SKAP1: variants seen among roughly 807,000 people sequenced by gnomAD.
The protein encoded by SKAP1 is src kinase associated phosphoprotein 1, also known as src kinase-associated phosphoprotein 1.
Under a neutral mutation model 58.5 loss-of-function variants are expected in SKAP1, and 44 were observed. The observed-to-expected ratio is 0.75, with a 90% confidence interval of 0.59 to 0.97. SKAP1 has a LOEUF of 0.97. SKAP1 is among the 50% of genes least tolerant of loss of function. The probability of loss-of-function intolerance (pLI) is 0.00; values close to 1 mark genes in which losing one functional copy is unlikely to be tolerated. For synonymous variants in SKAP1, 127 were observed against 149.7 expected, an observed-to-expected ratio of 0.85 and a Z score of 1.11; for missense variants, 390 against 435.2, an observed-to-expected ratio of 0.90 and a Z score of 0.92.
At chr17:48,193,890 G>A (rs1337395584) in intron 4 of SKAP1, 1 of 238,952 alleles carries the variant, frequency 4.2e-6, no homozygotes, top group Non-Finnish European at 6.8e-6. Flanking sequence ...TGTATAAGTT[G>A]CTATTTTAAG....
intron 2 of SKAP1, among the ~76,000 whole-genome samples, chr17:48,370,864 C>T (rs1249293260): frequency 6.6e-6 from 1 of 152,146 alleles, no homozygotes; most frequent in Non-Finnish European, 1.5e-5. Flanking sequence ...ATAGCAAAGA[C>T]ATGGAATCAA....
At chr17:48,211,252 G>C (rs144343969) in intron 4 of SKAP1, among the ~76,000 whole-genome samples, 6 of 152,136 alleles carry the variant, frequency 3.9e-5, no homozygotes, top group Non-Finnish European at 5.9e-5. Context: ...GACCAGGCTG[G>C]GCAGCACAGT....
chr17:48,377,645 A>T (rs974245217), intron 2 of SKAP1, among the ~76,000 whole-genome samples: 2 of 152,086 alleles, frequency 1.3e-5, no homozygotes, highest in Non-Finnish European at 2.9e-5. Context: ...ATTTTTCTCC[A>T]GAACTGAATA....
At chr17:48,358,662 C>T (rs2066904067) in intron 3 of SKAP1, among the ~76,000 whole-genome samples, 1 of 152,124 alleles carries the variant, frequency 6.6e-6, no homozygotes, top group Non-Finnish European at 1.5e-5. Flanking sequence ...TGAAAAGATA[C>T]ATGAAAATTT....
chr17:48,436,462 C>T, the SKAP1 span, among the ~76,000 whole-genome samples: 1 of 152,194 alleles, frequency 6.6e-6, no homozygotes, highest in African/African-American at 2.4e-5. Context: ...ATCTTTCATA[C>T]ACAAAATGGC....
At chr17:48,439,960 C>T in the SKAP1 span, among the ~76,000 whole-genome samples, 2 of 152,228 alleles carry the variant, frequency 1.3e-5, no homozygotes, top group African/African-American at 4.8e-5. Flanking sequence ...AAAGACCTTC[C>T]TGTTAGAGAC....
At position 48,313,166 on chromosome 17, in the gene SKAP1, G is replaced by A. The variant is rs549826303; in HGVS notation, c.280+32739C>T. Among the ~76,000 whole-genome samples, 11 of 151,842 alleles carry A rather than the reference G, an allele frequency of 7.2e-5. No homozygotes were observed. The East Asian group carries it at 1.4e-3, about 19-fold the overall frequency. ...GGGCGGTGGGGGGGTGGGAGGGCGC[G>A]GCTGGTGTGAACAGGAACCGAACCT... On this transcript the variant is annotated intron_variant, in intron 4 of 12. Coordinates refer to ENST00000336915, the MANE Select transcript of SKAP1 (RefSeq NM_003726.4).
At chr17:48,405,429 CTTTCTTTCTTTCTTTCTTTCT>C (rs200728427) in intron 1 of SKAP1, among the ~76,000 whole-genome samples, 2,633 of 86,716 alleles carry the variant, frequency 0.03, 69 homozygotes, top group East Asian at 0.082. Context: ...TTCTTTCTTT[CTTTCTTTCTTTCTTTCTTTCT>C]TTTCTTTCTT....
At chr17:48,333,113 C>T (rs2066526839) in intron 4 of SKAP1, among the ~76,000 whole-genome samples, 1 of 152,128 alleles carries the variant, frequency 6.6e-6, no homozygotes, top group African/African-American at 2.4e-5. Context: ...CATACTGTAA[C>T]AGCCATAATT....
chr17:48,158,285 G>A (rs1323217941), intron 11 of SKAP1, among the ~76,000 whole-genome samples: 6 of 150,990 alleles, frequency 4.0e-5, no homozygotes, highest in African/African-American at 7.3e-5. Flanking sequence ...GCTGGCTCAC[G>A]CCTGTAATCC....
chr17:48,416,317 G>T (rs1442295913), intron 1 of SKAP1, among the ~76,000 whole-genome samples: 7 of 152,050 alleles, frequency 4.6e-5, no homozygotes, highest in Admixed American at 4.6e-4. Flanking sequence ...ACCCCTCCCA[G>T]TTGGAGATGG....
chr17:48,156,385 G>A (rs1292514289), intron 11 of SKAP1: 4 of 324,032 alleles, frequency 1.2e-5, no homozygotes, highest in Non-Finnish European at 2.6e-5. Context: ...AGTAATTTAC[G>A]AGTCGCAGGC....
intron 4 of SKAP1, among the ~76,000 whole-genome samples, chr17:48,242,744 G>C (rs967721022): frequency 6.6e-6 from 1 of 152,174 alleles, no homozygotes; most frequent in Non-Finnish European, 1.5e-5. Context: ...TAATAGGAAG[G>C]CCATTTGATA....
At chr17:48,253,375 G>GT (rs1338105639) in intron 4 of SKAP1, among the ~76,000 whole-genome samples, 1 of 152,160 alleles carries the variant, frequency 6.6e-6, no homozygotes, top group African/African-American at 2.4e-5. Context: ...AAAGATAAAT[G>GT]TAAGAACAGA....
At chr17:48,147,989 G>A in intron 11 of SKAP1, among the ~76,000 whole-genome samples, 1 of 151,790 alleles carries the variant, frequency 6.6e-6, no homozygotes, top group African/African-American at 2.4e-5. Context: ...GTGGGTCATG[G>A]TGACAACTCC....
intron 4 of SKAP1, among the ~76,000 whole-genome samples, chr17:48,276,013 T>G (rs2065694915): frequency 6.6e-6 from 1 of 152,110 alleles, no homozygotes; most frequent in Admixed American, 6.5e-5. Flanking sequence ...CTGACTGCAA[T>G]GGCAAGCAAT....
rs2067424732 is a variant in SKAP1, at chr17:48,396,804, T to G, written c.47-19A>C. The G allele has an allele frequency of 6.4e-7, 1 of 1,573,572 alleles. No homozygotes were observed. Among genetic ancestry groups the G allele is most frequent in the South Asian group, 1.1e-5 (1 of 90,144 alleles). On this transcript the variant is annotated intron_variant, in intron 1 of 12. Coordinates refer to ENST00000336915, the MANE Select transcript of SKAP1 (RefSeq NM_003726.4). ...TCAGCATCTAAAAGAAAAGGAAAGT[T>G]GATAAAACAGAAAAGATGTACTAAG...
chr17:48,219,500 C>T (rs2064977240), intron 4 of SKAP1, among the ~76,000 whole-genome samples: 1 of 152,176 alleles, frequency 6.6e-6, no homozygotes, highest in South Asian at 2.1e-4. Flanking sequence ...ATTTCAGCAT[C>T]CAGTTTAAAA....
At chr17:48,249,709 A>T (rs2065340810) in intron 4 of SKAP1, among the ~76,000 whole-genome samples, 1 of 152,056 alleles carries the variant, frequency 6.6e-6, no homozygotes, top group Non-Finnish European at 1.5e-5. Context: ...AAACCACTTC[A>T]CAATTCTTTC....
Sources: gnomAD v4.1 joint callset for allele counts (sites outside exome capture counted in the v4.1 genomes callset) on GRCh38, gnomAD v4.1.1 for gene constraint, MANE v1.5 for transcripts, NCBI Gene and HGNC (gene_info 2026-07-23, HGNC 2026-07-21) for gene names.